Variants in RHOBTB2 observed in about 807,000 individuals in gnomAD.
RHOBTB2 encodes rho-related BTB domain-containing protein 2.
Under a neutral mutation model 66.5 loss-of-function variants are expected in RHOBTB2, and 39 were observed. That is an observed-to-expected ratio of 0.59 (90% confidence interval 0.45 to 0.77). The LOEUF (loss-of-function observed/expected upper bound fraction) is 0.77. Ranked by LOEUF, RHOBTB2 falls within the 30% of genes least tolerant of loss-of-function variation. The pLI, the probability that RHOBTB2 is intolerant of heterozygous loss-of-function variation, is 0.00. For missense variants in RHOBTB2, 755 were observed against 999.1 expected (o/e 0.76, Z 3.29); for synonymous variants, 390 against 395.0 (o/e 0.99, Z 0.15).
the RHOBTB2 span, among the ~76,000 whole-genome samples, chr8:22,963,073 T>C: frequency 6.6e-6 from 1 of 152,116 alleles, no homozygotes; most frequent in Non-Finnish European, 1.5e-5. Flanking sequence ...CTAGAGACTA[T>C]ATAGCAGGGC....
At chr8:22,986,507 C>A (rs924784918), upstream of RHOBTB2, among the ~76,000 whole-genome samples, 7 of 152,010 alleles carry the variant, frequency 4.6e-5, no homozygotes, top group Admixed American at 2.0e-4. Flanking sequence ...TATCCACCCA[C>A]TTCAGCCTCC....
chr8:22,999,523 C>T (rs951578950), upstream of RHOBTB2: 36 of 1,056,320 alleles, frequency 3.4e-5, no homozygotes, highest in East Asian at 1.5e-3. Context: ...CGAACGCTTT[C>T]CACCAACTGC....
At chr8:22,986,095 G>T (rs879733701), upstream of RHOBTB2, among the ~76,000 whole-genome samples, 7 of 151,930 alleles carry the variant, frequency 4.6e-5, no homozygotes, top group Non-Finnish European at 8.8e-5. Context: ...TGACTGCAGC[G>T]AACATCAGAG....
chr8:22,962,041 C>T, the RHOBTB2 span, among the ~76,000 whole-genome samples: 1 of 151,758 alleles, frequency 6.6e-6, no homozygotes, highest in Non-Finnish European at 1.5e-5. Flanking sequence ...GGTGACTGTA[C>T]TCCCAACTAC....
chr8:22,997,151 C>T (rs1810593144), upstream of RHOBTB2, among the ~76,000 whole-genome samples: 2 of 152,088 alleles, frequency 1.3e-5, no homozygotes, highest in East Asian at 3.9e-4. Context: ...TGCAGAGGTC[C>T]CCAGACGGCC....
At chr8:22,961,092 G>C in the RHOBTB2 span, among the ~76,000 whole-genome samples, 1 of 152,148 alleles carries the variant, frequency 6.6e-6, no homozygotes, top group South Asian at 2.1e-4. Context: ...GTAGAGAAGG[G>C]TGTCTCCCTA....
chr8:22,990,485 G>A (rs1420402327), intron 1 of RHOBTB2, among the ~76,000 whole-genome samples: 2 of 152,176 alleles, frequency 1.3e-5, no homozygotes, highest in East Asian at 1.9e-4. Context: ...GTGAAGGGGC[G>A]GCCGCTGTGA....
the RHOBTB2 span, among the ~76,000 whole-genome samples, chr8:22,955,559 T>TAA: frequency 2.1e-5 from 3 of 145,512 alleles, no homozygotes. Context: ...ATTCATTCAA[T>TAA]AAATCTTTTT....
rs1290723284 is a variant in RHOBTB2, at chr8:23,005,421, G to A, written c.242G>A (p.Arg81His). 14 of 1,614,018 alleles carry A rather than the reference G, an allele frequency of 8.7e-6. No homozygotes were observed. The highest frequency in any genetic ancestry group is 1.7e-5 in the Admixed American group (1 of 60,018). Residue 81 changes from arginine to histidine, a missense_variant, in exon 3 of 10, where the codon CGC becomes CAC. By Grantham distance (29) the Arg-to-His change is conservative. Coordinates refer to ENST00000251822, the MANE Select transcript of RHOBTB2 (RefSeq NM_015178.3). ...GTAGATGATGTCAGCGTCTCTCTGC[G>A]CCTCTGGGACACCTTTGGAGACCAC... ...DVVDDVSVSL[R>H]LWDTFGDHHK...
At position 22,999,667 on chromosome 8, in the gene RHOBTB2, C is replaced by T. The variant is rs1158055985; in HGVS notation, c.-449C>T. The stretch of plus-strand genomic sequence containing the variant: ...TTTTTTGTGAATGAAAAAAGGAGGT[C>T]GCGAGCGGTACCTGGGACTGCAGCG... On this transcript the variant is annotated 5_prime_UTR_variant, in exon 1 of 10. Transcript: ENST00000251822. 1.2e-4 allele frequency: 147 copies of T among 1,246,706 alleles called. No homozygotes were observed. Among genetic ancestry groups the T allele is most frequent in the Non-Finnish European group, 1.5e-4 (141 of 972,148 alleles). 77.2% of individuals were successfully genotyped at this position (1,246,706 alleles called of 1,614,324 possible). A position where few individuals can be genotyped will look rare whatever the true frequency, so the allele number is the denominator to read the frequency against.
chr8:22,998,177 T>C (rs1810630616), upstream of RHOBTB2, among the ~76,000 whole-genome samples: 2 of 152,216 alleles, frequency 1.3e-5, no homozygotes, highest in Admixed American at 1.3e-4. Flanking sequence ...CTTCCAAGTA[T>C]ATGCATTCAC....
intron 8 of RHOBTB2, among the ~76,000 whole-genome samples, chr8:23,015,327 A>G (rs1241420925): frequency 6.6e-6 from 1 of 152,140 alleles, no homozygotes; most frequent in East Asian, 1.9e-4. Flanking sequence ...GAAGTCAGGT[A>G]GGTTGAGATC....
the RHOBTB2 span, among the ~76,000 whole-genome samples, chr8:22,966,528 TA>T: frequency 6.6e-6 from 1 of 151,754 alleles, no homozygotes; most frequent in East Asian, 1.9e-4. Context: ...CTCATGCCCG[TA>T]ATCCCAGCAC....
chr8:22,973,969 T>G, the RHOBTB2 span, among the ~76,000 whole-genome samples: 1 of 152,070 alleles, frequency 6.6e-6, no homozygotes. Context: ...CACCAGCCCT[T>G]CCAGGGAGTC....
upstream of RHOBTB2, chr8:22,995,970 C>G: frequency 7.9e-7 from 1 of 1,265,452 alleles, no homozygotes; most frequent in Non-Finnish European, 1.1e-6. Flanking sequence ...GCCAGGCGGT[C>G]TGCGTTGGGC....
the RHOBTB2 span, among the ~76,000 whole-genome samples, chr8:22,974,525 A>G: frequency 6.6e-6 from 1 of 152,066 alleles, no homozygotes. Context: ...CCATTTCACA[A>G]TTCTAATTTT....
rs1052717371 is a variant in RHOBTB2, at chr8:23,014,629, G to A, written c.1772-61G>A. On this transcript the variant is annotated intron_variant, in intron 7 of 9. Coordinates refer to ENST00000251822, the MANE Select transcript of RHOBTB2 (RefSeq NM_015178.3). ...CCTGAAGTGAGCTGGGGGATGTGGT[G>A]GGGCAGGGTGAGCACAGGTCATGTG... The A allele has an allele frequency of 4.1e-6, 6 of 1,451,796 alleles. No homozygotes were observed. In the African/African-American group the frequency reaches 7.0e-5, roughly 17 times the overall value. 89.9% of individuals were successfully genotyped at this position (1,451,796 alleles called of 1,614,324 possible).
upstream of RHOBTB2, among the ~76,000 whole-genome samples, chr8:22,986,145 T>TCTCC (rs1810284246): frequency 1.1e-5 from 1 of 88,702 alleles, no homozygotes; most frequent in Admixed American, 1.3e-4. Context: ...TGGACTTCTC[T>TCTCC]CTCTCTCTCT....
the RHOBTB2 span, among the ~76,000 whole-genome samples, chr8:22,959,309 C>T: frequency 3.3e-5 from 5 of 152,280 alleles, no homozygotes; most frequent in East Asian, 1.9e-4. Context: ...TGCAGTGGTG[C>T]GATCTCGGCT....
Sources: allele counts gnomAD v4.1 joint callset (sites outside exome capture counted in the v4.1 genomes callset), GRCh38; gene constraint gnomAD v4.1.1; transcripts MANE v1.5; gene names NCBI Gene and HGNC (gene_info 2026-07-23, HGNC 2026-07-21).